MX1: variants seen among roughly 807,000 people sequenced by gnomAD.
The protein encoded by MX1 is MX dynamin like GTPase 1, also known as interferon-induced GTP-binding protein Mx1.
In MX1, 66 loss-of-function variants were observed where a neutral mutation model predicts 66.4. The observed-to-expected ratio is 0.99, with a 90% CI of 0.82 to 1.22. The LOEUF is 1.22. Ranked by LOEUF, MX1 falls within the 50% of genes most tolerant of loss-of-function variation. The pLI, the probability that MX1 is intolerant of heterozygous loss-of-function variation, is 0.00. For synonymous variants in MX1, 311 were observed against 318.1 expected (o/e 0.98, Z 0.24); for missense variants, 787 against 834.3 (o/e 0.94, Z 0.70).
At chr21:41,427,554 T>C (rs2090096014) in intron 2 of MX1, among the ~76,000 whole-genome samples, 1 of 152,162 alleles carries the variant, frequency 6.6e-6, no homozygotes, top group South Asian at 2.1e-4. Flanking sequence ...CTGGATTATG[T>C]TGGGAAAGTG....
chr21:41,432,014 G>T (rs893507817), intron 4 of MX1, 36 bp from the exon 5 acceptor site: 4 of 1,573,722 alleles, frequency 2.5e-6, no homozygotes, highest in Non-Finnish European at 3.5e-6. Flanking sequence ...GCACCCAGCT[G>T]CTTATCTGTT....
At chr21:41,431,011 A>C (rs1360639220) in intron 4 of MX1, among the ~76,000 whole-genome samples, 1 of 152,170 alleles carries the variant, frequency 6.6e-6, no homozygotes, top group Non-Finnish European at 1.5e-5. Flanking sequence ...TTTATTTTTA[A>C]ATGTAAAGTT....
chr21:41,458,065 G>A (rs2238719), intron 16 of MX1, among the ~76,000 whole-genome samples: 30,120 of 151,936 alleles, frequency 0.2, 3,515 homozygotes, highest in East Asian at 0.42. Flanking sequence ...GTACAATGGC[G>A]CGATCCCAGC....
At chr21:41,429,284 C>T (rs1280066834) in intron 3 of MX1, 1 of 152,158 alleles carries the variant, frequency 6.6e-6, no homozygotes, top group African/African-American at 2.4e-5. Context: ...AAGGTACAAA[C>T]GTTTATGGTT....
intron 16 of MX1, among the ~76,000 whole-genome samples, chr21:41,456,291 A>G (rs1367608079): frequency 6.6e-6 from 1 of 152,188 alleles, no homozygotes; most frequent in African/African-American, 2.4e-5. Context: ...AAACAGAAGG[A>G]AAGAAAGAAA....
intron 15 of MX1, 114 bp from the exon 16 acceptor site, chr21:41,452,507 G>T (rs190030532): frequency 1.7e-6 from 2 of 1,209,428 alleles, no homozygotes; most frequent in Non-Finnish European, 2.3e-6. Flanking sequence ...TCCAGGAAAC[G>T]TGCTGTTTCA....
chr21:41,445,587 G>C lies in MX1; in HGVS notation c.1131+17G>C, dbSNP rs770148199. ...CTGATAGATGTGAGTGTTGCCAGCT[G>C]CATGGAGCTGGAGAAGCACATGTCA... On this transcript the variant is annotated intron_variant, in intron 12 of 16. Coordinates refer to ENST00000398598, the MANE Select transcript of MX1 (RefSeq NM_002462.5). 1 of 1,614,022 alleles carries C rather than the reference G, an allele frequency of 6.2e-7. No individual in the cohort carries two copies. Among genetic ancestry groups the C allele is most frequent in the South Asian group, 1.1e-5 (1 of 91,054 alleles).
At position 41,441,909 on chromosome 21, in the gene MX1, T is replaced by C. The variant is rs1245520986; in HGVS notation, c.924T>C (p.Tyr308=). The C allele has an allele frequency of 1.2e-6, 2 of 1,613,954 alleles. No individual in the cohort carries two copies. The highest frequency in any genetic ancestry group is 2.7e-5 in the African/African-American group (2 of 74,884). The change falls in exon 10 of 17, where the codon TAT becomes TAC. Residue 308 remains tyrosine, a synonymous_variant. Transcript: ENST00000398598. This position sits in a 1 kb window ranked among gnomAD's most constrained non-coding sequence, Gnocchi z 4.0. ...REKIFFENHP[Y]FRDLLEEGKA... is the part of the protein sequence containing the mutation. ...AGATCTTCTTTGAGAACCACCCATATTTCAGGTGCGCTTGCCTGGGTTTCA... is the reference window on the plus strand; with the variant it reads ...AGATCTTCTTTGAGAACCACCCATACTTCAGGTGCGCTTGCCTGGGTTTCA...
intron 14 of MX1, 174 bp from the exon 15 acceptor site, chr21:41,450,993 C>T: frequency 2.3e-6 from 1 of 439,192 alleles, no homozygotes; most frequent in East Asian, 3.5e-5. Flanking sequence ...TAAGATTCTT[C>T]CAGCAAATTA....
chr21:41,442,645 A>G (rs2090552802), intron 10 of MX1: 1 of 152,256 alleles, frequency 6.6e-6, no homozygotes, highest in Non-Finnish European at 1.5e-5. Flanking sequence ...GAATTCCAGG[A>G]ATATCAAATG....
Position 41,445,589 on chromosome 21 carries a change from A to C in MX1, c.1131+19A>C. The C allele has an allele frequency of 6.2e-7, 1 of 1,614,060 alleles. No individual in the cohort carries two copies. Among genetic ancestry groups the C allele is most frequent in the African/African-American group, 1.3e-5 (1 of 75,050 alleles). ...GATAGATGTGAGTGTTGCCAGCTGC[A>C]TGGAGCTGGAGAAGCACATGTCATG... On this transcript the variant is annotated intron_variant, in intron 12 of 16. Transcript: ENST00000398598.
At chr21:41,429,116 C>G (rs759503392) in intron 3 of MX1, 14 of 152,284 alleles carry the variant, frequency 9.2e-5, no homozygotes, top group Non-Finnish European at 1.9e-4. Context: ...GGAGTCGCCA[C>G]CTCTTGGCTC....
In MX1 at chr21:41,441,072, C is replaced by T. The variant is rs952911348; in HGVS notation, c.730+47C>T. On this transcript the variant is annotated intron_variant, in intron 9 of 16. Coordinates refer to ENST00000398598, the MANE Select transcript of MX1 (RefSeq NM_002462.5). This position sits in a 1 kb window ranked among gnomAD's most constrained non-coding sequence, Gnocchi z 4.0. ...TGTGCTCAGTGAGAATGGGGGAGCC[C>T]GCCTGTGCTCGGTGAGAATGGGGGA... 8.0e-6 allele frequency: 12 copies of T among 1,504,794 alleles called. No individual in the cohort carries two copies. The highest frequency in any genetic ancestry group is 3.6e-5 in the Admixed American group (2 of 55,848). The allele number at this position is 1,504,794 out of a possible 1,614,324, so 93.2% of individuals were successfully genotyped here.
At chr21:41,453,572 A>G (rs781178317) in intron 16 of MX1, among the ~76,000 whole-genome samples, 7 of 152,122 alleles carry the variant, frequency 4.6e-5, no homozygotes, top group Non-Finnish European at 1.0e-4. Context: ...TAATGGAAAA[A>G]CCAAACTCTG....
chr21:41,435,861 C>T lies in MX1; in HGVS notation c.130C>T (p.Gln44Ter), dbSNP rs2090344007. ...GGTGGCTGAGAACAACCTGTGCAGC[C>T]AGTATGAGGAGAAGGTGCGCCCCTG... ...GSVAENNLCS[Q>*]YEEKVRPCID... The change falls in exon 6 of 17, where the codon CAG (glutamine) becomes TAG (stop). Residue 44 changes from glutamine (Q) to a stop codon, truncating the protein, a stop_gained. Transcript: ENST00000398598. LOFTEE classifies it high-confidence loss of function. 6.2e-7 allele frequency: 1 copy of T among 1,611,644 alleles called. No individual in the cohort carries two copies. The highest frequency in any genetic ancestry group is 1.3e-5 in the African/African-American group (1 of 74,870).
chr21:41,446,300 T>C (rs2090662189), intron 13 of MX1, among the ~76,000 whole-genome samples, 159 bp downstream of exon 13: 1 of 152,198 alleles, frequency 6.6e-6, no homozygotes, highest in Non-Finnish European at 1.5e-5. Flanking sequence ...TGTTCTCTGC[T>C]TCAAAGATGG....
chr21:41,426,802 G>A (rs2090073410), intron 1 of MX1: 1 of 152,178 alleles, frequency 6.6e-6, no homozygotes, highest in Admixed American at 6.5e-5. Context: ...GTTCCGAGCT[G>A]GGCCGAGATG....
chr21:41,435,104 G>T (rs952711966), intron 5 of MX1, among the ~76,000 whole-genome samples: 8 of 152,310 alleles, frequency 5.3e-5, no homozygotes, highest in South Asian at 4.1e-4. Context: ...CTTCTCGCTT[G>T]TTATTGCTTC....
intron 7 of MX1, among the ~76,000 whole-genome samples, chr21:41,438,060 C>T (rs1039397543): frequency 1.1e-4 from 16 of 152,214 alleles, no homozygotes; most frequent in Admixed American, 9.2e-4. Flanking sequence ...TTCCTATCGA[C>T]CTTCATGTTT....
Sources: gnomAD v4.1 joint callset for allele counts (sites outside exome capture counted in the v4.1 genomes callset) on GRCh38, gnomAD v4.1.1 for gene constraint, Gnocchi (gnomAD v3.1) non-coding constraint, MANE v1.5 for transcripts, NCBI Gene and HGNC (gene_info 2026-07-23, HGNC 2026-07-21) for gene names.